ZHX2: variants seen among roughly 807,000 people sequenced by gnomAD.
ZHX2 encodes zinc fingers and homeoboxes protein 2.
In ZHX2, 6 loss-of-function variants were observed where a neutral mutation model predicts 21.9. That is an observed-to-expected ratio of 0.27 (90% CI 0.15 to 0.54). The LOEUF (loss-of-function observed/expected upper bound fraction) is 0.54, where lower values mean the gene tolerates loss of function less well. Among genes scored for constraint, ZHX2 ranks in the 20% least tolerant of loss-of-function variants. The pLI, the probability that ZHX2 is intolerant of heterozygous loss-of-function variation, is 0.95. For missense variants in ZHX2, 908 were observed against 1,090.7 expected (o/e 0.83, Z 2.36); for synonymous variants, 434 against 437.1 (o/e 0.99, Z 0.09).
chr8:122,953,239 T>A lies in ZHX2; in HGVS notation c.1729T>A (p.Phe577Ile), dbSNP rs1383864712. Residue 577 changes from phenylalanine (F) to isoleucine (I), a missense_variant, in exon 3 of 4, where the codon TTC becomes ATC. Physicochemically the swap from Phe to Ile is conservative, Grantham distance 21 (BLOSUM62 0). Coordinates refer to ENST00000314393, the MANE Select transcript of ZHX2 (RefSeq NM_014943.5). The surrounding 1 kb of genome is among the most constrained non-coding windows in gnomAD (Gnocchi z 4.6). ...GAGCAGGAGAGAGATCGACTCCTGG[T>A]TCTCGGAGAGGCGGAAGCTTCGAGA... ...KLSRREIDSW[F>I]SERRKLRDSM... The A allele has an allele frequency of 5.6e-6, 9 of 1,613,810 alleles. No homozygotes were observed. In the Admixed American group the frequency reaches 1.5e-4, roughly 27 times the overall value.
chr8:122,935,157 CT>C (rs572597772), intron 2 of ZHX2, among the ~76,000 whole-genome samples: 30 of 147,568 alleles, frequency 2.0e-4, no homozygotes, highest in Non-Finnish European at 2.1e-4. Flanking sequence ...CTCTCTGTGT[CT>C]TTTTTTTTTA....
At chr8:122,832,130 C>T (rs988786735) in intron 1 of ZHX2, among the ~76,000 whole-genome samples, 5 of 152,068 alleles carry the variant, frequency 3.3e-5, no homozygotes, top group South Asian at 4.2e-4. Context: ...GGGTCTTGGG[C>T]AGTTGCAGCT....
intron 3 of ZHX2, among the ~76,000 whole-genome samples, chr8:122,964,238 A>C (rs1353324836): frequency 6.6e-6 from 1 of 152,076 alleles, no homozygotes; most frequent in African/African-American, 2.4e-5. Flanking sequence ...CAGGGGAACT[A>C]CTTTCAACTT....
At chr8:122,842,465 G>A (rs1473711038) in intron 1 of ZHX2, among the ~76,000 whole-genome samples, 1 of 152,202 alleles carries the variant, frequency 6.6e-6, no homozygotes, top group Non-Finnish European at 1.5e-5. Context: ...CAGCACTTTG[G>A]GAGGCCTAGG....
At chr8:122,857,057 C>A (rs1245941548) in intron 1 of ZHX2, among the ~76,000 whole-genome samples, 1 of 152,182 alleles carries the variant, frequency 6.6e-6, no homozygotes, top group African/African-American at 2.4e-5. Context: ...ATGCCCTTCG[C>A]CGCTCATTCA....
In ZHX2 at chr8:122,952,290, C is replaced by T. The variant is rs1379313443; in HGVS notation, c.780C>T (p.Val260=). Residue 260 remains valine (V), a synonymous_variant, in exon 3 of 4, where the codon GTC becomes GTT. Transcript: ENST00000314393. This position sits in a 1 kb window ranked among gnomAD's most constrained non-coding sequence, Gnocchi z 6.9. ...PNINLVPKVP[V]PLNTTKYNSA... ...TCAACCTTGTGCCCAAGGTCCCTGT[C>T]CCACTAAATACTACCAAATACAACT... 5 of 1,614,032 alleles carry T rather than the reference C, an allele frequency of 3.1e-6. No individual in the cohort carries two copies. The Admixed American group carries it at 8.3e-5, about 27-fold the overall frequency.
At chr8:122,854,287 T>A (rs1197847516) in intron 1 of ZHX2, among the ~76,000 whole-genome samples, 1 of 152,260 alleles carries the variant, frequency 6.6e-6, no homozygotes, top group Non-Finnish European at 1.5e-5. Context: ...ATGCAGCTTT[T>A]CTGGCCCTTG....
intron 1 of ZHX2, among the ~76,000 whole-genome samples, chr8:122,848,196 G>C (rs1252434526): frequency 6.6e-6 from 1 of 152,156 alleles, no homozygotes; most frequent in African/African-American, 2.4e-5. Context: ...GAGAGACAGC[G>C]AGTGTGTTGT....
chr8:122,800,760 G>A (rs923377152), intron 1 of ZHX2, among the ~76,000 whole-genome samples: 7 of 145,830 alleles, frequency 4.8e-5, no homozygotes, highest in African/African-American at 1.7e-4. Context: ...GCGGGGGGCA[G>A]AGAGAGAGAG....
intron 2 of ZHX2, among the ~76,000 whole-genome samples, chr8:122,890,849 GT>G (rs759054577): frequency 1.5e-4 from 23 of 152,210 alleles, no homozygotes; most frequent in Non-Finnish European, 3.2e-4. Context: ...ATTTCTAAGA[GT>G]TTTTTAGTGG....
At chr8:122,964,014 A>G (rs998767597) in intron 3 of ZHX2, among the ~76,000 whole-genome samples, 3 of 152,074 alleles carry the variant, frequency 2.0e-5, no homozygotes, top group Admixed American at 6.5e-5. Context: ...ATTCTGAAAC[A>G]CTGAATTCAT....
At chr8:122,935,776 C>T (rs1354678424) in intron 2 of ZHX2, among the ~76,000 whole-genome samples, 2 of 152,080 alleles carry the variant, frequency 1.3e-5, no homozygotes, top group African/African-American at 2.4e-5. Flanking sequence ...ACCTCGTGAT[C>T]CGCCCACCTC....
intron 3 of ZHX2, among the ~76,000 whole-genome samples, chr8:122,960,636 AG>A (rs1163380340): frequency 6.6e-6 from 1 of 152,112 alleles, no homozygotes; most frequent in African/African-American, 2.4e-5. Flanking sequence ...GGCAGAGAGG[AG>A]GGGAAGAATA....
At chr8:122,830,923 G>A (rs374310943) in intron 1 of ZHX2, among the ~76,000 whole-genome samples, 1 of 152,142 alleles carries the variant, frequency 6.6e-6, no homozygotes, top group South Asian at 2.1e-4. Flanking sequence ...TGGTGAGTTG[G>A]GCTTTAAGGA....
intron 2 of ZHX2, among the ~76,000 whole-genome samples, chr8:122,875,612 G>A (rs1348770649): frequency 1.3e-5 from 2 of 152,230 alleles, no homozygotes; most frequent in Non-Finnish European, 2.9e-5. Context: ...AGTAGTAGAC[G>A]TGGTAGTTGG....
chr8:122,838,396 A>C (rs1244384928), intron 1 of ZHX2, among the ~76,000 whole-genome samples: 8 of 152,194 alleles, frequency 5.3e-5, no homozygotes, highest in Admixed American at 3.3e-4. Flanking sequence ...TTTCTCCAAA[A>C]AGAAGTAACG....
chr8:122,927,805 G>A (rs962687318), intron 2 of ZHX2, among the ~76,000 whole-genome samples: 1 of 152,224 alleles, frequency 6.6e-6, no homozygotes, highest in South Asian at 2.1e-4. Flanking sequence ...ATTTGGGTGG[G>A]GACAGAGCCA....
At chr8:122,968,827 A>G (rs1281886438) in intron 3 of ZHX2, among the ~76,000 whole-genome samples, 2 of 142,638 alleles carry the variant, frequency 1.4e-5, no homozygotes, top group Non-Finnish European at 3.0e-5. Flanking sequence ...CAGCAAGAGC[A>G]AGACTCCATC....
chr8:122,836,365 T>G (rs1244440832), intron 1 of ZHX2, among the ~76,000 whole-genome samples: 1 of 152,190 alleles, frequency 6.6e-6, no homozygotes, highest in Non-Finnish European at 1.5e-5. Flanking sequence ...AGGAGCTTCC[T>G]TTGTCCGGCT....
Sources: gnomAD v4.1 joint callset for allele counts (sites outside exome capture counted in the v4.1 genomes callset) on GRCh38, gnomAD v4.1.1 for gene constraint, Gnocchi (gnomAD v3.1) non-coding constraint, MANE v1.5 for transcripts, NCBI Gene and HGNC (gene_info 2026-07-23, HGNC 2026-07-21) for gene names.